ROBO2: variants seen among roughly 807,000 people sequenced by gnomAD.
ROBO2 encodes the protein roundabout homolog 2.
A neutral mutation model predicts 160.8 loss-of-function variants in ROBO2; 53 were observed. The observed-to-expected ratio is 0.33, with a 90% CI of 0.26 to 0.41. The LOEUF (loss-of-function observed/expected upper bound fraction) is 0.41, where lower values mean the gene tolerates loss of function less well. ROBO2 is among the 10% of genes least tolerant of loss of function. The pLI, the probability that ROBO2 is intolerant of heterozygous loss-of-function variation, is 1.00. For missense variants in ROBO2, 1,577 were observed against 1,722.4 expected, an observed-to-expected ratio of 0.92 and a Z score of 1.49; for synonymous variants, 664 against 611.7, an observed-to-expected ratio of 1.09 and a Z score of -1.26.
intron 1 of ROBO2, among the ~76,000 whole-genome samples, chr3:77,065,504 CA>C (rs1234710339): frequency 6.6e-6 from 1 of 152,088 alleles, no homozygotes; most frequent in African/African-American, 2.4e-5. Context: ...CAGCAAGTAA[CA>C]AGGTTTCTTG....
chr3:76,542,641 G>T (rs974172734), intron 2 of ROBO2, among the ~76,000 whole-genome samples: 3 of 152,046 alleles, frequency 2.0e-5, no homozygotes, highest in Admixed American at 1.3e-4. Flanking sequence ...GACTAGATCT[G>T]CTCACCTTTT....
intron 6 of ROBO2, among the ~76,000 whole-genome samples, chr3:77,536,515 A>C (rs1211480746): frequency 6.6e-6 from 1 of 151,590 alleles, no homozygotes; most frequent in East Asian, 1.9e-4. Context: ...CAACTGAGTC[A>C]AGTTACTCTT....
At chr3:77,042,028 G>C (rs956055793) in intron 1 of ROBO2, among the ~76,000 whole-genome samples, 1 of 152,126 alleles carries the variant, frequency 6.6e-6, no homozygotes, top group African/African-American at 2.4e-5. Context: ...CTGCTGCATA[G>C]AGCCCAATGT....
intron 1 of ROBO2, among the ~76,000 whole-genome samples, chr3:75,935,083 T>A (rs1172546070): frequency 6.6e-6 from 1 of 152,092 alleles, no homozygotes; most frequent in Non-Finnish European, 1.5e-5. Context: ...CCTCAGGTGA[T>A]CCTCCTGCCT....
At chr3:75,912,418 A>C (rs533333277) in intron 1 of ROBO2, among the ~76,000 whole-genome samples, 1 of 152,336 alleles carries the variant, frequency 6.6e-6, no homozygotes, top group African/African-American at 2.4e-5. Flanking sequence ...CCAAGAGGAA[A>C]AATTTGTACA....
intron 13 of ROBO2, among the ~76,000 whole-genome samples, chr3:77,569,393 T>C (rs2093580633): frequency 6.6e-6 from 1 of 152,020 alleles, no homozygotes; most frequent in Admixed American, 6.6e-5. Context: ...TGGTATATAA[T>C]TGTGGTTTTG....
chr3:76,744,609 A>G (rs936254658), intron 2 of ROBO2, among the ~76,000 whole-genome samples: 3 of 151,728 alleles, frequency 2.0e-5, no homozygotes, highest in Non-Finnish European at 4.4e-5. Flanking sequence ...CAATCCTTCC[A>G]CTTCAACATC....
intron 5 of ROBO2, among the ~76,000 whole-genome samples, chr3:77,499,942 TG>T (rs1420601190): frequency 6.6e-6 from 1 of 152,132 alleles, no homozygotes; most frequent in Non-Finnish European, 1.5e-5. Flanking sequence ...CCACCGTGTC[TG>T]GCCTGCTTTT....
chr3:77,629,079 G>A (rs1471817045), intron 23 of ROBO2: 2 of 152,184 alleles, frequency 1.3e-5, no homozygotes, highest in African/African-American at 4.8e-5. Flanking sequence ...GGACATACAA[G>A]GAGCATTAAA....
intron 2 of ROBO2, among the ~76,000 whole-genome samples, chr3:76,227,573 A>G (rs1418746549): frequency 2.0e-5 from 3 of 152,190 alleles, no homozygotes; most frequent in African/African-American, 7.2e-5. Flanking sequence ...GATAGCATCT[A>G]TTATGTTTTA....
intron 2 of ROBO2, among the ~76,000 whole-genome samples, chr3:76,504,994 C>A (rs933018063): frequency 2.0e-5 from 3 of 151,936 alleles, no homozygotes; most frequent in African/African-American, 4.8e-5. Flanking sequence ...GCTGTTGACA[C>A]TAAGCTTTAT....
intron 2 of ROBO2, among the ~76,000 whole-genome samples, chr3:76,879,893 C>G (rs1029449732): frequency 6.6e-6 from 1 of 152,088 alleles, no homozygotes; most frequent in African/African-American, 2.4e-5. Flanking sequence ...AATATGATGT[C>G]TTTCACATTT....
intron 1 of ROBO2, among the ~76,000 whole-genome samples, chr3:77,064,094 A>G (rs2066595136): frequency 6.6e-6 from 1 of 152,210 alleles, no homozygotes; most frequent in East Asian, 1.9e-4. Context: ...CTATAATGTC[A>G]TAAAAGGTAA....
At chr3:76,642,965 A>G (rs1425172000) in intron 2 of ROBO2, among the ~76,000 whole-genome samples, 1 of 152,216 alleles carries the variant, frequency 6.6e-6, no homozygotes, top group Non-Finnish European at 1.5e-5. Flanking sequence ...AGTTGCTAAA[A>G]TGAGATGGAA....
chr3:77,560,976 C>CT (rs1459291816), intron 9 of ROBO2, among the ~76,000 whole-genome samples: 1 of 152,110 alleles, frequency 6.6e-6, no homozygotes, highest in African/African-American at 2.4e-5. Context: ...TTTCTAATGA[C>CT]TATAATGTGT....
rs57835432 is a variant in ROBO2 at position 76,493,337 on chromosome 3, TTATATATA to T, written c.109+555756_109+555763del. On this transcript the variant is annotated intron_variant, in intron 2 of 26. Coordinates refer to the ROBO2 transcript ENST00000487694. ...GAACCCAAAACATGTAGACAAAAAA[TTATATATA>T]TATATATATATATATATATAATTGT... 7.8e-4 allele frequency among the ~76,000 whole-genome samples: 82 copies of T among 104,812 alleles called. 3 individuals carry two copies. Among genetic ancestry groups the T allele is most frequent in the African/African-American group, 1.8e-3 (50 of 28,294 alleles). The allele number at this position is 104,812 out of a possible 152,430, so 68.8% of individuals were successfully genotyped here. A position where few individuals can be genotyped will look rare whatever the true frequency, so the allele number is the denominator to read the frequency against.
intron 2 of ROBO2, among the ~76,000 whole-genome samples, chr3:76,924,029 T>A (rs2076829407): frequency 6.6e-6 from 1 of 152,242 alleles, no homozygotes; most frequent in Non-Finnish European, 1.5e-5. Context: ...TTATGTTTAA[T>A]CACTTTTTTT....
chr3:76,434,769 C>T (rs2109047818), intron 2 of ROBO2: 1 of 1,241,140 alleles, frequency 8.1e-7, no homozygotes, highest in East Asian at 2.3e-5. Flanking sequence ...CTGCTCAGCC[C>T]TGTTTGCGCA....
At position 76,810,630 on chromosome 3, in the gene ROBO2, A is replaced by G. The variant is rs17014752; in HGVS notation, c.110-287384A>G. ...GCAGGAAGAAGAAGAAACAGCTACT[A>G]CAGACACAATTTAAAAGGATTCAAG... On this transcript the variant is annotated intron_variant, in intron 2 of 26. Transcript: ENST00000487694. 7.5e-3 allele frequency among the ~76,000 whole-genome samples: 1,143 copies of G among 152,234 alleles called. 17 individuals are homozygous for G. Among genetic ancestry groups the G allele is most frequent in the African/African-American group, 0.026 (1,093 of 41,556 alleles).
Sources: allele counts gnomAD v4.1 joint callset (sites outside exome capture counted in the v4.1 genomes callset), GRCh38; gene constraint gnomAD v4.1.1; transcripts MANE v1.5; gene names NCBI Gene and HGNC (gene_info 2026-07-23, HGNC 2026-07-21).